The following ZNF777 variants were observed in gnomAD, a reference collection of about 807,000 sequenced individuals.
The protein encoded by ZNF777 is zinc finger protein 777.
Under a neutral mutation model 72.1 loss-of-function variants are expected in ZNF777, and 7 were observed. That is an observed-to-expected ratio of 0.10 (90% confidence interval 0.06 to 0.18). The LOEUF (loss-of-function observed/expected upper bound fraction) is 0.18. Ranked by LOEUF, ZNF777 falls within the 10% of genes least tolerant of loss-of-function variation. The probability of loss-of-function intolerance (pLI) is 1.00; values close to 1 mark genes in which losing one functional copy is unlikely to be tolerated. For synonymous variants in ZNF777, 545 were observed against 483.5 expected, an observed-to-expected ratio of 1.13 and a Z score of -1.67; for missense variants, 828 against 1,128.6, an observed-to-expected ratio of 0.73 and a Z score of 3.82.
chr7:149,450,930 T>A, intron 4 of ZNF777, 69 bp downstream of exon 4: 1 of 1,420,006 alleles, frequency 7.0e-7, no homozygotes, highest in Admixed American at 1.7e-5. Flanking sequence ...TTGTGCTGCC[T>A]CATGCTGGCG....
chr7:149,448,534 G>GTT (rs1799651357), intron 4 of ZNF777, among the ~76,000 whole-genome samples: 2 of 110,462 alleles, frequency 1.8e-5, no homozygotes, highest in Non-Finnish European at 3.5e-5. Context: ...TATACATATA[G>GTT]TTATATATAT....
rs751600408 is a variant in ZNF777 at position 149,455,611 on chromosome 7, C to A, written c.412G>T (p.Asp138Tyr). 3 of 1,592,676 alleles carry A rather than the reference C, an allele frequency of 1.9e-6. No homozygotes were observed. The South Asian group carries it at 3.4e-5, about 18-fold the overall frequency. The change falls in exon 2 of 6, where the codon GAC (aspartate) becomes TAC (tyrosine). Residue 138 changes from aspartate to tyrosine, a missense_variant. Transcript: ENST00000247930. This position sits in a 1 kb window ranked among gnomAD's most constrained non-coding sequence, Gnocchi z 4.2. ...ACTGTTGGGGAAAGGGTCAGGGGGT[C>A]TTTCTCAGGAGCTTCAGGGGAGTGA... ...PVHSPEAPEK[D>Y]PLTLSPTVPE...
chr7:149,432,460 T>C lies in ZNF777; in HGVS notation c.1812A>G (p.Ser604=), dbSNP rs1799329877. ...GGTTGAACGTGGGCCCGCGTTCGGGTGAGACGCAGCCTCCGCGCACGCGGT... is the reference window on the plus strand; with the variant it reads ...GGTTGAACGTGGGCCCGCGTTCGGGCGAGACGCAGCCTCCGCGCACGCGGT... ...RIHRVRGGCV[S]PERGPTFNPK... is the part of the protein sequence containing the mutation. The change falls in exon 6 of 6, where the codon TCA becomes TCG. Residue 604 remains serine, a synonymous_variant. Transcript: ENST00000247930. The C allele has an allele frequency of 1.9e-6, 3 of 1,613,596 alleles. No individual in the cohort carries two copies. Among genetic ancestry groups the C allele is most frequent in the African/African-American group, 1.3e-5 (1 of 75,044 alleles).
At position 149,432,544 on chromosome 7, in the gene ZNF777, G is replaced by A. The variant is rs1799333303; in HGVS notation, c.1728C>T (p.Cys576=). Residue 576 remains cysteine, a synonymous_variant, in exon 6 of 6, where the codon TGC becomes TGT. Transcript: ENST00000247930. The part of the protein sequence containing the change: ...RNHIKEGPYE[C]AECEISFRHK... Reference sequence around the variant, plus strand: ...GCCGGAAGCTGATCTCGCATTCGGCGCACTCGTAGGGCCCCTCCTTGATGT... The same window carrying A: ...GCCGGAAGCTGATCTCGCATTCGGCACACTCGTAGGGCCCCTCCTTGATGT... 6.2e-7 allele frequency: 1 copy of A among 1,613,876 alleles called. No homozygotes were observed. Among genetic ancestry groups the A allele is most frequent in the Non-Finnish European group, 8.5e-7 (1 of 1,179,880 alleles).
intron 1 of ZNF777, among the ~76,000 whole-genome samples, 169 bp from the exon 2 acceptor site, chr7:149,456,206 A>G (rs976330662): frequency 2.0e-5 from 3 of 152,082 alleles, no homozygotes; most frequent in Admixed American, 2.0e-4. Context: ...TTTAGACATC[A>G]ATTATACCAC....
chr7:149,455,799 A>G lies in ZNF777; in HGVS notation c.224T>C (p.Leu75Pro). The G allele has an allele frequency of 1.2e-6, 2 of 1,612,206 alleles. No individual in the cohort carries two copies. Among genetic ancestry groups the G allele is most frequent in the Non-Finnish European group, 1.7e-6 (2 of 1,178,730 alleles). ...ACACAGGAGTGAGGGTCCCTTCTGG[A>G]GCACATGTGGCATCCGGCCAGAAGT... Reference protein sequence around the residue: ...QETSGRMPHVLQKGPSLLCSA... With the variant: ...QETSGRMPHVPQKGPSLLCSA... Residue 75 changes from leucine to proline, a missense_variant, in exon 2 of 6, where the codon CTC (leucine) becomes CCC (proline). Physicochemically the swap from Leu to Pro is moderately conservative, Grantham distance 98. Around this residue, in one of 12 missense-constraint regions of ZNF777, gnomAD observed 222 missense variants for 211.2 expected, o/e 1.05. Coordinates refer to ENST00000247930, the MANE Select transcript of ZNF777 (RefSeq NM_015694.3). The surrounding 1 kb of genome is among the most constrained non-coding windows in gnomAD (Gnocchi z 4.2).
Position 149,454,253 on chromosome 7 carries a change from A to G in ZNF777, c.847-16T>C. The G allele has an allele frequency of 1.9e-6, 3 of 1,613,724 alleles. No homozygotes were observed. Among genetic ancestry groups the G allele is most frequent in the East Asian group, 4.5e-5 (2 of 44,878 alleles). On this transcript the variant is annotated splice_polypyrimidine_tract_variant and intron_variant, in intron 2 of 5. Coordinates refer to ENST00000247930, the MANE Select transcript of ZNF777 (RefSeq NM_015694.3). Reference sequence around the variant, plus strand: ...TGACAGGGACCTGAAACCACACAATAACTCGGCTCAGACCCGCTGGAAGGC... The same window carrying G: ...TGACAGGGACCTGAAACCACACAATGACTCGGCTCAGACCCGCTGGAAGGC...
chr7:149,432,175 G>A lies in ZNF777; in HGVS notation c.2097C>T (p.Cys699=), dbSNP rs1799319682. 2 of 1,604,900 alleles carry A rather than the reference G, an allele frequency of 1.2e-6. No individual in the cohort carries two copies. Among genetic ancestry groups the A allele is most frequent in the Non-Finnish European group, 8.5e-7 (1 of 1,179,884 alleles). The change falls in exon 6 of 6, where the codon TGC becomes TGT. Residue 699 remains cysteine (C), a synonymous_variant. Coordinates refer to ENST00000247930, the MANE Select transcript of ZNF777 (RefSeq NM_015694.3). ...GCGAGGGGCGGCTGAAGCTCTTGCC[G>A]CACAGGCTGCAGATGAAGGAGACCT... The part of the protein sequence containing the change: ...KHEVSFICSL[C]GKSFSRPSHL...
intron 4 of ZNF777, among the ~76,000 whole-genome samples, chr7:149,446,874 T>C (rs1018388829): frequency 2.0e-5 from 3 of 152,234 alleles, no homozygotes; most frequent in African/African-American, 7.2e-5. Context: ...AGGTCACTGA[T>C]GACTTTTAGC....
Position 149,460,057 on chromosome 7 carries a change from C to A in ZNF777, c.-16+758G>T. The stretch of plus-strand genomic sequence containing the variant: ...AGATCCCAGGCCGGGCCGCCGAGCC[C>A]GGGACACGCAGGCCGTCCCCGGGGC... On this transcript the variant is annotated intron_variant, in intron 1 of 5. Coordinates refer to ENST00000247930, the MANE Select transcript of ZNF777 (RefSeq NM_015694.3). This position sits in a 1 kb window ranked among gnomAD's most constrained non-coding sequence, Gnocchi z 6.1. 1 of 982,198 alleles carries A rather than the reference C, an allele frequency of 1.0e-6. No homozygotes were observed. The highest frequency in any genetic ancestry group is 1.2e-6 in the Non-Finnish European group (1 of 828,632). 60.8% of individuals were successfully genotyped at this position (982,198 alleles called of 1,614,324 possible).
intron 5 of ZNF777, among the ~76,000 whole-genome samples, chr7:149,435,735 A>G (rs1563233611): frequency 1.3e-5 from 2 of 152,230 alleles, no homozygotes; most frequent in Non-Finnish European, 1.5e-5. Context: ...CCAATTTTTC[A>G]AGGAACACAC....
chr7:149,431,562 G>T lies in ZNF777; in HGVS notation c.*214C>A, dbSNP rs546023534. ...GCCCGAAAGGGTTCCCCAGGTCCGC[G>T]CCCTCCCCCCTGGGGCCCCCGGGGA... On this transcript the variant is annotated 3_prime_UTR_variant, in exon 6 of 6. Transcript: ENST00000247930. The T allele has an allele frequency of 9.7e-5, 46 of 473,312 alleles. No individual in the cohort carries two copies. Among genetic ancestry groups the T allele is most frequent in the African/African-American group, 8.6e-4 (43 of 49,776 alleles). The allele number at this position is 473,312 out of a possible 1,614,324, so 29.3% of individuals were successfully genotyped here. A position where few individuals can be genotyped will look rare whatever the true frequency, so the allele number is the denominator to read the frequency against.
At chr7:149,458,440 G>GA (rs200183617) in intron 1 of ZNF777, among the ~76,000 whole-genome samples, 2,736 of 151,962 alleles carry the variant, frequency 0.018, 85 homozygotes, top group African/African-American at 0.063. Flanking sequence ...AGAAGAAGAG[G>GA]AAAAAATCCC....
chr7:149,452,576 T>C (rs899858674), intron 3 of ZNF777, among the ~76,000 whole-genome samples: 2 of 145,424 alleles, frequency 1.4e-5, no homozygotes, highest in Non-Finnish European at 3.0e-5. Flanking sequence ...GAGCTTGCAG[T>C]GAGCCCAGAT....
Position 149,455,430 on chromosome 7 carries a change from T to C in ZNF777, c.593A>G (p.Lys198Arg), listed in dbSNP as rs752727255. The change falls in exon 2 of 6, where the codon AAG becomes AGG. Residue 198 changes from lysine (K) to arginine (R), a missense_variant. Physicochemically the swap from Lys to Arg is conservative, Grantham distance 26. Coordinates refer to ENST00000247930, the MANE Select transcript of ZNF777 (RefSeq NM_015694.3). The surrounding 1 kb of genome is among the most constrained non-coding windows in gnomAD (Gnocchi z 4.2). The stretch of plus-strand genomic sequence containing the variant: ...TAGCCTCATGGCCTGGGCCTCCAGC[T>C]TCCTCTCCACTGCTTGGACGGCAGC... ...VWAAVQAVER[K>R]LEAQAMRLLT... 9.9e-6 allele frequency: 16 copies of C among 1,614,166 alleles called. No individual in the cohort carries two copies. Among genetic ancestry groups the C allele is most frequent in the Non-Finnish European group, 4.2e-6 (5 of 1,180,010 alleles).
chr7:149,453,550 C>T (rs955552585), intron 3 of ZNF777, among the ~76,000 whole-genome samples: 23 of 152,136 alleles, frequency 1.5e-4, no homozygotes, highest in Non-Finnish European at 2.9e-5. Context: ...CTACAGACTT[C>T]GGGGTAAGGC....
chr7:149,442,976 T>G (rs571193436), intron 4 of ZNF777, among the ~76,000 whole-genome samples: 1 of 152,186 alleles, frequency 6.6e-6, no homozygotes, highest in Non-Finnish European at 1.5e-5. Context: ...GGCATGTAAA[T>G]TGGCACAAGT....
At position 149,436,449 on chromosome 7, in the gene ZNF777, T is replaced by C; in HGVS notation, c.1339+126A>G. The C allele has an allele frequency of 8.5e-7, 1 of 1,172,744 alleles. No individual in the cohort carries two copies. The highest frequency in any genetic ancestry group is 1.5e-5 in the South Asian group (1 of 65,994). 72.6% of individuals were successfully genotyped at this position (1,172,744 alleles called of 1,614,324 possible). On this transcript the variant is annotated intron_variant, in intron 5 of 5. Coordinates refer to ENST00000247930, the MANE Select transcript of ZNF777 (RefSeq NM_015694.3). The surrounding 1 kb of genome is among the most constrained non-coding windows in gnomAD (Gnocchi z 5.0). Reference sequence around the variant, plus strand: ...ACTCGAGGCCGTGCTTGGTAATTCTTTCCCACCTGTTGCCCCATCAGTGTC... The same window carrying C: ...ACTCGAGGCCGTGCTTGGTAATTCTCTCCCACCTGTTGCCCCATCAGTGTC...
rs1249660510 is a variant in ZNF777, at chr7:149,432,866, G to A, written c.1406C>T (p.Pro469Leu). 1 of 1,566,196 alleles carries A rather than the reference G, an allele frequency of 6.4e-7. No homozygotes were observed. The highest frequency in any genetic ancestry group is 8.7e-7 in the Non-Finnish European group (1 of 1,155,884). ...EEEEEEEDEL[P>L]QHLQSLGQLS... ...CTGCCCAAGGGATTGCAAGTGCTGC[G>A]GCAGCTCATCCTCCTCCTCCTCTTC... Residue 469 changes from proline (P) to leucine (L), a missense_variant, in exon 6 of 6, where the codon CCG (proline) becomes CTG (leucine). Around this residue, in one of 12 missense-constraint regions of ZNF777, gnomAD observed 219 missense variants for 223.0 expected, o/e 0.98. Coordinates refer to ENST00000247930, the MANE Select transcript of ZNF777 (RefSeq NM_015694.3).
Sources: gnomAD v4.1 joint callset for allele counts (sites outside exome capture counted in the v4.1 genomes callset) on GRCh38, gnomAD v4.1.1 for gene constraint, gnomAD v4.1.1 regional missense constraint, Gnocchi (gnomAD v3.1) non-coding constraint, MANE v1.5 for transcripts, NCBI Gene and HGNC (gene_info 2026-07-23, HGNC 2026-07-21) for gene names.